The following AFF2 variants were observed in gnomAD, a reference collection of about 807,000 sequenced individuals.
AFF2 encodes the protein AF4/FMR2 family member 2.
In AFF2, 14 loss-of-function variants were observed where a neutral mutation model predicts 76.9. The ratio of observed to expected loss-of-function variants is 0.18; its 90% CI spans 0.12 to 0.28. AFF2 has a LOEUF of 0.28. Among genes scored for constraint, AFF2 ranks in the 10% least tolerant of loss-of-function variants. The pLI is 1.00. For missense variants in AFF2, 868 were observed against 1,001.1 expected (o/e 0.87, Z 1.79); for synonymous variants, 398 against 366.7 (o/e 1.09, Z -0.98).
intron 16 of AFF2, among the ~76,000 whole-genome samples, chrX:148,975,598 C>A (rs1390421023): frequency 9.0e-6 from 1 of 111,728 alleles, no homozygotes; most frequent in African/African-American, 3.2e-5. Context: ...ATTTCCCTCT[C>A]TGCATATTCT....
Position 148,501,115 on chromosome X carries a change from T to C in AFF2, c.18T>C (p.Phe6=). Residue 6 remains phenylalanine, a synonymous_variant, in exon 1 of 21, where the codon TTT becomes TTC. Coordinates refer to ENST00000370460, the MANE Select transcript of AFF2 (RefSeq NM_002025.4). MDLFD[F]FRDWDLEQQC... ...TGGCCGCTATGGATCTATTCGACTTTTTCAGAGACTGGGACTTGGAGCAGC... is the reference window on the plus strand; with the variant it reads ...TGGCCGCTATGGATCTATTCGACTTCTTCAGAGACTGGGACTTGGAGCAGC... 8.3e-7 allele frequency: 1 copy of C among 1,210,779 alleles called. No homozygotes were observed. Among genetic ancestry groups the C allele is most frequent in the East Asian group, 3.0e-5 (1 of 33,738 alleles).
chrX:148,907,755 T>C (rs782131107), intron 9 of AFF2, among the ~76,000 whole-genome samples: 1 of 111,437 alleles, frequency 9.0e-6, no homozygotes, highest in Non-Finnish European at 1.9e-5. Context: ...CGGGCACGCA[T>C]TGTCATTGAT....
At chrX:148,601,153 A>G (rs2053622655) in intron 1 of AFF2, among the ~76,000 whole-genome samples, 1 of 112,529 alleles carries the variant, frequency 8.9e-6, no homozygotes, top group South Asian at 3.7e-4. Context: ...TTAAGTACTA[A>G]TTTCAATTAT....
At chrX:148,908,478 T>C (rs2071434049) in intron 9 of AFF2, among the ~76,000 whole-genome samples, 1 of 112,382 alleles carries the variant, frequency 8.9e-6, no homozygotes, top group African/African-American at 3.2e-5. Flanking sequence ...GGTCCCTGAC[T>C]TCCCGCAACA....
chrX:148,784,983 G>A (rs782158775), intron 3 of AFF2, among the ~76,000 whole-genome samples: 4 of 111,494 alleles, frequency 3.6e-5, no homozygotes, highest in African/African-American at 6.5e-5. Flanking sequence ...CTTGGGAGCC[G>A]CATATACATT....
intron 3 of AFF2, among the ~76,000 whole-genome samples, chrX:148,684,229 A>G (rs988220854): frequency 7.1e-5 from 8 of 112,347 alleles, no homozygotes; most frequent in African/African-American, 2.6e-4. Context: ...AGAATAGATT[A>G]TTATTGTCAT....
intron 4 of AFF2, among the ~76,000 whole-genome samples, chrX:148,823,792 G>C (rs1477300269): frequency 1.8e-5 from 2 of 111,754 alleles, no homozygotes; most frequent in Non-Finnish European, 3.8e-5. Context: ...AAATAAGTCT[G>C]AGTAGGTAGA....
intron 3 of AFF2, among the ~76,000 whole-genome samples, chrX:148,708,806 G>A (rs1440800227): frequency 3.6e-5 from 4 of 112,457 alleles, no homozygotes; most frequent in Admixed American, 1.9e-4. Flanking sequence ...TTGCAGATAT[G>A]CCTATAGATT....
rs782032885 is a variant in AFF2, at chrX:148,662,794, G to A, written c.1041+26G>A. ...GTAAGTAATTTTTAAAGTTTTGTTTGGTTTCACTTTTTTTTAGTTCTCTGC... is the reference window on the plus strand; with the variant it reads ...GTAAGTAATTTTTAAAGTTTTGTTTAGTTTCACTTTTTTTTAGTTCTCTGC... On this transcript the variant is annotated intron_variant, in intron 3 of 20. Transcript: ENST00000370460. 7 of 1,186,900 alleles carry A rather than the reference G, an allele frequency of 5.9e-6. No individual in the cohort carries two copies. The African/African-American group carries it at 1.2e-4, about 21-fold the overall frequency.
chrX:148,662,864 T>C (rs2054322347), intron 3 of AFF2, 96 bp downstream of exon 3: 1 of 938,561 alleles, frequency 1.1e-6, no homozygotes. Flanking sequence ...CTCATTTACC[T>C]TAATGAGCTG....
chrX:148,811,814 G>A (rs1557271815), intron 4 of AFF2, among the ~76,000 whole-genome samples: 2 of 112,041 alleles, frequency 1.8e-5, no homozygotes, highest in African/African-American at 6.5e-5. Flanking sequence ...GCCACTTAGA[G>A]AAACAACAGA....
chrX:148,946,454 C>T (rs797026057), intron 9 of AFF2, among the ~76,000 whole-genome samples: 1 of 112,356 alleles, frequency 8.9e-6, no homozygotes, highest in African/African-American at 3.2e-5. Flanking sequence ...CTATTGCTGC[C>T]GTGACAAATT....
At chrX:148,838,667 G>A (rs2070559053) in intron 5 of AFF2, among the ~76,000 whole-genome samples, 1 of 111,581 alleles carries the variant, frequency 9.0e-6, no homozygotes, top group African/African-American at 3.3e-5. Flanking sequence ...GGTGATATAA[G>A]GTCTCAAGTG....
chrX:148,598,231 A>G (rs2053593440), intron 1 of AFF2, among the ~76,000 whole-genome samples: 1 of 111,522 alleles, frequency 9.0e-6, no homozygotes. Flanking sequence ...CATTTGCTAA[A>G]TTTTGGCCAT....
chrX:148,520,121 A>G (rs2052578777), intron 1 of AFF2, among the ~76,000 whole-genome samples: 1 of 111,581 alleles, frequency 9.0e-6, no homozygotes, highest in Non-Finnish European at 1.9e-5. Flanking sequence ...CTGCTTGTCT[A>G]GAACTATTTT....
chrX:148,714,692 C>T (rs182605335), intron 3 of AFF2, among the ~76,000 whole-genome samples: 97 of 111,465 alleles, frequency 8.7e-4, no homozygotes, highest in Admixed American at 2.6e-3. Context: ...AATGGCCTGT[C>T]GATAGTCTCC....
At chrX:148,565,831 C>G (rs2053164104) in intron 1 of AFF2, among the ~76,000 whole-genome samples, 1 of 110,617 alleles carries the variant, frequency 9.0e-6, no homozygotes, top group Non-Finnish European at 1.9e-5. Context: ...TTTCAACAAC[C>G]CTTTGTTACA....
intron 3 of AFF2, among the ~76,000 whole-genome samples, chrX:148,691,494 G>A (rs1219597994): frequency 1.8e-5 from 2 of 111,660 alleles, no homozygotes; most frequent in African/African-American, 6.5e-5. Flanking sequence ...ATACGAGCAG[G>A]GAGTCACTAA....
At chrX:148,613,060 A>G (rs1212929326) in intron 1 of AFF2, among the ~76,000 whole-genome samples, 1 of 111,536 alleles carries the variant, frequency 9.0e-6, no homozygotes, top group African/African-American at 3.3e-5. Context: ...GACCATAAGG[A>G]TTGTTGTTAG....
Sources: gnomAD v4.1 joint callset for allele counts (sites outside exome capture counted in the v4.1 genomes callset) on GRCh38, gnomAD v4.1.1 for gene constraint, MANE v1.5 for transcripts, NCBI Gene and HGNC (gene_info 2026-07-23, HGNC 2026-07-21) for gene names.